ATAD1: variants seen among roughly 807,000 people sequenced by gnomAD.
The protein encoded by ATAD1 is ATPase family AAA domain containing 1.
ATAD1 carries 18 observed loss-of-function variants against 42.7 expected under a neutral mutation model. That is an observed-to-expected ratio of 0.42 (90% CI 0.29 to 0.63). The LOEUF (loss-of-function observed/expected upper bound fraction) is 0.63. Among genes scored for constraint, ATAD1 ranks in the 20% least tolerant of loss-of-function variants. ATAD1 has a pLI of 0.19. For synonymous variants in ATAD1, 132 were observed against 143.1 expected (o/e 0.92, Z 0.55); for missense variants, 294 against 440.4 (o/e 0.67, Z 2.98).
intron 3 of ATAD1, among the ~76,000 whole-genome samples, chr10:87,791,703 A>C (rs536745807): frequency 5.3e-5 from 8 of 152,326 alleles, no homozygotes; most frequent in African/African-American, 1.9e-4. Context: ...TAGCAATATA[A>C]CATTAATGTA....
chr10:87,762,051 T>C (rs1854508207), intron 8 of ATAD1, among the ~76,000 whole-genome samples: 1 of 152,136 alleles, frequency 6.6e-6, no homozygotes, highest in African/African-American at 2.4e-5. Context: ...AGCACTGACA[T>C]GAGTAACTTC....
rs571688307 is a variant in ATAD1, at chr10:87,751,537, A to G, written c.*3150T>C. The G allele has an allele frequency of 1.3e-5, 2 of 152,354 alleles. No individual in the cohort carries two copies. The highest frequency in any genetic ancestry group is 4.8e-5 in the African/African-American group (2 of 41,590). 9.4% of individuals were successfully genotyped at this position (152,354 alleles called of 1,614,324 possible). A position where few individuals can be genotyped will look rare whatever the true frequency, so the allele number is the denominator to read the frequency against. On this transcript the variant is annotated 3_prime_UTR_variant, in exon 10 of 10. Coordinates refer to ENST00000680024, the MANE Select transcript of ATAD1 (RefSeq NM_001321967.2). ...TTATGTTAGAAGCTCATATTTAATA[A>G]GGTTCAAGTTCTCCTCAATATGATT... is the stretch of plus-strand genomic sequence containing the variant.
At chr10:87,825,668 A>G (rs1564788966) in intron 1 of ATAD1, among the ~76,000 whole-genome samples, 1 of 150,882 alleles carries the variant, frequency 6.6e-6, no homozygotes, top group Non-Finnish European at 1.5e-5. Context: ...CTGTTATTCT[A>G]CATATAAAAT....
Position 87,839,371 on chromosome 10 carries a change from C to T in ATAD1, c.-14+1816G>A, listed in dbSNP as rs151198002. The stretch of plus-strand genomic sequence containing the variant: ...CTCAAAGAGAACTTATGGTTAGGAG[C>T]CAACAGTCCATTTCTTTCACATACA... On this transcript the variant is annotated intron_variant, in intron 1 of 4. Coordinates refer to the ATAD1 transcript ENST00000495903. 4.1e-3 allele frequency among the ~76,000 whole-genome samples: 618 copies of T among 152,166 alleles called. 2 individuals are homozygous for T. The highest frequency in any genetic ancestry group is 6.7e-3 in the Non-Finnish European group (454 of 68,018).
In ATAD1 at chr10:87,839,614, G is replaced by A. The variant is rs746912307; in HGVS notation, c.-14+1573C>T. Among the ~76,000 whole-genome samples, 78 of 152,148 alleles carry A rather than the reference G, an allele frequency of 5.1e-4. 1 individual carries two copies. Among genetic ancestry groups the A allele is most frequent in the Non-Finnish European group, 7.4e-5 (5 of 68,024 alleles). On this transcript the variant is annotated intron_variant, in intron 1 of 4. Coordinates refer to the ATAD1 transcript ENST00000495903. ...ACTAGGCTATTGTCTCAAGTGGGAC[G>A]AAGACTCTAGAATAGATCAGTGAGC...
upstream of ATAD1, among the ~76,000 whole-genome samples, chr10:87,820,280 T>C (rs377527018): frequency 2.8e-4 from 43 of 152,144 alleles, 1 homozygote; most frequent in African/African-American, 1.0e-3. Flanking sequence ...TGTGCCCCAA[T>C]AGGGTAATTA....
At position 87,781,184 on chromosome 10, in the gene ATAD1, TAA is replaced by T. The variant is rs528260619; in HGVS notation, c.583+3284_583+3285del. Among the ~76,000 whole-genome samples, 132 of 151,640 alleles carry T rather than the reference TAA, an allele frequency of 8.7e-4. 1 individual carries two copies. Among genetic ancestry groups the T allele is most frequent in the African/African-American group, 3.0e-3 (124 of 41,322 alleles). ...ATGACACAAGGAAACAAACCACTAT[TAA>T]AAAAAAGTCAACATAAAGTAAAATT... On this transcript the variant is annotated intron_variant, in intron 5 of 9. Coordinates refer to ENST00000680024, the MANE Select transcript of ATAD1 (RefSeq NM_001321967.2).
chr10:87,763,224 T>G (rs1854581271), intron 8 of ATAD1, among the ~76,000 whole-genome samples: 1 of 152,140 alleles, frequency 6.6e-6, no homozygotes, highest in Admixed American at 6.5e-5. Flanking sequence ...GTAGCTTTCT[T>G]AGAAAAGACT....
chr10:87,766,667 C>T (rs184308371), intron 8 of ATAD1, among the ~76,000 whole-genome samples: 206 of 151,860 alleles, frequency 1.4e-3, no homozygotes, highest in African/African-American at 4.6e-3. Flanking sequence ...AAAAATTAGC[C>T]GAGTGTGGTG....
intron 5 of ATAD1, among the ~76,000 whole-genome samples, chr10:87,783,031 T>C (rs532290396): frequency 4.6e-5 from 7 of 151,328 alleles, no homozygotes; most frequent in African/African-American, 1.5e-4. Context: ...CATAACAAAA[T>C]CAAACTAATC....
intron 7 of ATAD1, among the ~76,000 whole-genome samples, chr10:87,769,374 C>A (rs889642509): frequency 1.3e-5 from 2 of 152,182 alleles, no homozygotes; most frequent in African/African-American, 2.4e-5. Context: ...TTTGTTCATT[C>A]TGGCAGGAAA....
At chr10:87,825,203 C>A (rs1381942480) in intron 1 of ATAD1, among the ~76,000 whole-genome samples, 1 of 151,790 alleles carries the variant, frequency 6.6e-6, no homozygotes, top group Admixed American at 6.6e-5. Flanking sequence ...GTGGATTTTG[C>A]ACAAGAAAAA....
At chr10:87,817,706 T>A (rs894247446) in intron 1 of ATAD1, 13 of 982,856 alleles carry the variant, frequency 1.3e-5, no homozygotes, top group Non-Finnish European at 1.3e-5. Context: ...ATTATTAACA[T>A]CACCATCTTT....
Position 87,752,328 on chromosome 10 carries a change from T to A in ATAD1, c.*2359A>T, listed in dbSNP as rs1321477960. ...ACAGGCCTAGGGATTATGGAACTGG[T>A]TTAAGCATGGAGAATGCTTAAAGAA... On this transcript the variant is annotated 3_prime_UTR_variant, in exon 10 of 10. Coordinates refer to ENST00000680024, the MANE Select transcript of ATAD1 (RefSeq NM_001321967.2). 6.6e-6 allele frequency: 1 copy of A among 152,110 alleles called. No homozygotes were observed. The allele number at this position is 152,110 out of a possible 1,614,324, so 9.4% of individuals were successfully genotyped here.
chr10:87,805,152 AT>A (rs1011550442), intron 2 of ATAD1, among the ~76,000 whole-genome samples: 12 of 152,132 alleles, frequency 7.9e-5, no homozygotes, highest in African/African-American at 2.9e-4. Flanking sequence ...AAGCTTTTAG[AT>A]TCAATCCTCT....
At chr10:87,764,943 A>G (rs1165208608) in intron 8 of ATAD1, among the ~76,000 whole-genome samples, 2 of 152,184 alleles carry the variant, frequency 1.3e-5, no homozygotes, top group East Asian at 1.9e-4. Context: ...AGTCAAATAC[A>G]TGGTTTAAAA....
At chr10:87,834,801 C>G (rs1187013586) in intron 1 of ATAD1, among the ~76,000 whole-genome samples, 1 of 151,696 alleles carries the variant, frequency 6.6e-6, no homozygotes, top group East Asian at 1.9e-4. Flanking sequence ...CTTCCTTCTG[C>G]TTGATTTGGG....
chr10:87,824,426 C>A (rs1857688944), intron 1 of ATAD1, among the ~76,000 whole-genome samples: 1 of 152,108 alleles, frequency 6.6e-6, no homozygotes, highest in Admixed American at 6.6e-5. Context: ...CTACTGTATA[C>A]TGACTCTGTT....
intron 1 of ATAD1, among the ~76,000 whole-genome samples, chr10:87,833,612 C>G (rs1174303731): frequency 1.3e-5 from 2 of 150,704 alleles, no homozygotes; most frequent in Non-Finnish European, 2.9e-5. Context: ...TGTACATGAC[C>G]TTTATGAGGT....
Sources: gnomAD v4.1 joint callset for allele counts (sites outside exome capture counted in the v4.1 genomes callset) on GRCh38, gnomAD v4.1.1 for gene constraint, MANE v1.5 for transcripts, NCBI Gene and HGNC (gene_info 2026-07-23, HGNC 2026-07-21) for gene names.